TOM1L1: variants seen among roughly 807,000 people sequenced by gnomAD.
The protein encoded by TOM1L1 is target of myb1 like 1 membrane trafficking protein, also known as TOM1-like protein 1.
In TOM1L1, 64 loss-of-function variants were observed where a neutral mutation model predicts 63.4. The observed-to-expected ratio is 1.01, with a 90% CI of 0.83 to 1.24. The LOEUF is 1.24. Ranked by LOEUF, TOM1L1 falls within the 50% of genes most tolerant of loss-of-function variation. The pLI, the probability that TOM1L1 is intolerant of heterozygous loss-of-function variation, is 0.00. For synonymous variants in TOM1L1, 166 were observed against 194.4 expected, an observed-to-expected ratio of 0.85 and a Z score of 1.22; for missense variants, 536 against 567.0, an observed-to-expected ratio of 0.95 and a Z score of 0.55.
intron 3 of TOM1L1, among the ~76,000 whole-genome samples, chr17:54,907,010 G>T (rs561670964): frequency 1.3e-5 from 2 of 152,314 alleles, no homozygotes; most frequent in Non-Finnish European, 2.9e-5. Flanking sequence ...CTGGTTTCTA[G>T]TTACATGAAG....
intron 1 of TOM1L1, among the ~76,000 whole-genome samples, chr17:54,902,708 G>C (rs573086887): frequency 2.0e-5 from 3 of 152,126 alleles, no homozygotes; most frequent in African/African-American, 7.2e-5. Flanking sequence ...CCCAGAACCC[G>C]GTGTTTTCAT....
intron 2 of TOM1L1, among the ~76,000 whole-genome samples, chr17:54,904,221 T>G (rs1004325562): frequency 6.6e-6 from 1 of 151,830 alleles, no homozygotes; most frequent in Non-Finnish European, 1.5e-5. Context: ...ACAAAAAAAA[T>G]TAGCCAGGCA....
At chr17:54,917,823 T>G (rs1326585070) in intron 7 of TOM1L1, among the ~76,000 whole-genome samples, 1 of 152,208 alleles carries the variant, frequency 6.6e-6, no homozygotes, top group East Asian at 1.9e-4. Context: ...TATAGCAACA[T>G]GGGATGATGC....
In TOM1L1 at chr17:54,916,038, G is replaced by A. The variant is rs1598013323; in HGVS notation, c.720+176G>A. On this transcript the variant is annotated intron_variant, in intron 7 of 15. Coordinates refer to ENST00000575882, the MANE Select transcript of TOM1L1 (RefSeq NM_005486.3). ...CAAGAATGACTTTGTCAGAAATGCA[G>A]TAGTAACTTAGACATGGTTTTTAGC... is the stretch of plus-strand genomic sequence containing the variant. 8.1e-6 allele frequency: 4 copies of A among 494,372 alleles called. No individual in the cohort carries two copies. The East Asian group carries it at 9.7e-5, about 12-fold the overall frequency. 30.6% of individuals were successfully genotyped at this position (494,372 alleles called of 1,614,324 possible). A position where few individuals can be genotyped will look rare whatever the true frequency, so the allele number is the denominator to read the frequency against.
chr17:54,960,568 C>T lies in TOM1L1; in HGVS notation c.1373C>T (p.Ala458Val). ...DPLAPAVTTE[A>V]IYEEIDAHQH... ...TTGCTGTGATGGCTTTGTTTCAGAG[C>T]TATTTATGAAGAAATTGATGCTCAC... Residue 458 changes from alanine to valine, a missense_variant and splice_region_variant, in exon 15 of 16, where the codon GCT (alanine) becomes GTT (valine). Ala to Val is a moderately conservative substitution (Grantham distance 64). Coordinates refer to ENST00000575882, the MANE Select transcript of TOM1L1 (RefSeq NM_005486.3). 1 of 1,612,668 alleles carries T rather than the reference C, an allele frequency of 6.2e-7. No individual in the cohort carries two copies. The highest frequency in any genetic ancestry group is 8.5e-7 in the Non-Finnish European group (1 of 1,179,330).
chr17:54,957,447 T>A (rs1443822644), intron 14 of TOM1L1: 3 of 152,158 alleles, frequency 2.0e-5, no homozygotes, highest in Admixed American at 1.3e-4. Flanking sequence ...TCCAAACAGG[T>A]AGTGGAAAAG....
In TOM1L1 at chr17:54,960,570, AT is replaced by A. The variant is rs781535426; in HGVS notation, c.1378del (p.Tyr460MetfsTer35). On this transcript the variant is annotated frameshift_variant, in exon 15 of 16. Coordinates refer to ENST00000575882, the MANE Select transcript of TOM1L1 (RefSeq NM_005486.3). LOFTEE classifies it high-confidence loss of function. The stretch of plus-strand genomic sequence containing the variant: ...GCTGTGATGGCTTTGTTTCAGAGCT[AT>A]TTATGAAGAAATTGATGCTCACCAG... ...PLAPAVTTEA[I>X]YEEIDAHQHK... 1 of 1,613,032 alleles carries A rather than the reference AT, an allele frequency of 6.2e-7. No homozygotes were observed. Among genetic ancestry groups the A allele is most frequent in the Non-Finnish European group, 8.5e-7 (1 of 1,179,540 alleles).
intron 7 of TOM1L1, chr17:54,916,956 G>C (rs2048600299): frequency 6.6e-6 from 1 of 152,122 alleles, no homozygotes; most frequent in East Asian, 1.9e-4. Context: ...TGAAGATACT[G>C]CTTCACTGTT....
chr17:54,959,957 G>C (rs1401686750), intron 14 of TOM1L1, among the ~76,000 whole-genome samples: 1 of 152,012 alleles, frequency 6.6e-6, no homozygotes, highest in African/African-American at 2.4e-5. Flanking sequence ...AGAAACTGAG[G>C]AGTTTTTTAA....
chr17:54,959,094 G>T (rs2077039580), intron 14 of TOM1L1: 1 of 152,172 alleles, frequency 6.6e-6, no homozygotes, highest in South Asian at 2.1e-4. Context: ...GAGGTTTGAG[G>T]AGAGTGAAGA....
intron 11 of TOM1L1, chr17:54,942,498 GCCA>G (rs1004156121): frequency 3.9e-5 from 6 of 152,016 alleles, no homozygotes; most frequent in African/African-American, 1.5e-4. Flanking sequence ...TGAGGTATGT[GCCA>G]CCATCATTTT....
At chr17:54,909,646 A>C (rs1002497800) in intron 3 of TOM1L1, among the ~76,000 whole-genome samples, 4 of 152,190 alleles carry the variant, frequency 2.6e-5, no homozygotes, top group Non-Finnish European at 1.5e-5. Context: ...GGGCCTTACA[A>C]CAAGTCTCTA....
chr17:54,941,324 G>A (rs1450309283), intron 11 of TOM1L1, among the ~76,000 whole-genome samples: 1 of 152,084 alleles, frequency 6.6e-6, no homozygotes, highest in Non-Finnish European at 1.5e-5. Flanking sequence ...GGCAGAGGGA[G>A]GAAAATGAGA....
At chr17:54,939,584 G>T (rs1310160650) in intron 11 of TOM1L1, among the ~76,000 whole-genome samples, 2 of 152,004 alleles carry the variant, frequency 1.3e-5, no homozygotes, top group African/African-American at 2.4e-5. Flanking sequence ...TTAGGTCAGG[G>T]TCTTGCTCTG....
chr17:54,922,857 C>T (rs1053813600), intron 7 of TOM1L1, among the ~76,000 whole-genome samples: 7 of 152,160 alleles, frequency 4.6e-5, no homozygotes, highest in African/African-American at 1.7e-4. Flanking sequence ...AATTCCAATA[C>T]ATTTTCATTA....
At chr17:54,941,362 G>A (rs912167312) in intron 11 of TOM1L1, among the ~76,000 whole-genome samples, 19 of 152,168 alleles carry the variant, frequency 1.2e-4, no homozygotes, top group African/African-American at 4.3e-4. Context: ...GAAGAAAAAA[G>A]AGCAAAATAT....
intron 3 of TOM1L1, among the ~76,000 whole-genome samples, chr17:54,908,020 C>T (rs549316096): frequency 6.6e-6 from 1 of 152,254 alleles, no homozygotes; most frequent in East Asian, 1.9e-4. Flanking sequence ...GCCTCTGGCC[C>T]TCTGTTTCTC....
At chr17:54,941,609 G>A (rs1354655444) in intron 11 of TOM1L1, among the ~76,000 whole-genome samples, 2 of 152,166 alleles carry the variant, frequency 1.3e-5, no homozygotes, top group Admixed American at 6.5e-5. Flanking sequence ...ATGAGAGAAA[G>A]AATAATACAG....
At position 54,900,916 on chromosome 17, in the gene TOM1L1, C is replaced by G; in HGVS notation, c.51C>G (p.His17Gln). The G allele has an allele frequency of 6.2e-7, 1 of 1,613,926 alleles. No homozygotes were observed. Among genetic ancestry groups the G allele is most frequent in the East Asian group, 2.2e-5 (1 of 44,874 alleles). Reference sequence around the variant, plus strand: ...ATCCCTACGCGACCTCCGTGGGCCACCTCATAGGTAAGGAGGCGCGGGGAG... The same window carrying G: ...ATCCCTACGCGACCTCCGTGGGCCAGCTCATAGGTAAGGAGGCGCGGGGAG... ...HRDPYATSVG[H>Q]LIEKATFAGV... is the part of the protein sequence containing the mutation. Residue 17 changes from histidine to glutamine, a missense_variant, in exon 1 of 16, where the codon CAC (histidine) becomes CAG (glutamine). Physicochemically the swap from His to Gln is conservative, Grantham distance 24 (BLOSUM62 0). Transcript: ENST00000575882.
Sources: allele counts gnomAD v4.1 joint callset (sites outside exome capture counted in the v4.1 genomes callset), GRCh38; gene constraint gnomAD v4.1.1; transcripts MANE v1.5; gene names NCBI Gene and HGNC (gene_info 2026-07-23, HGNC 2026-07-21).